Variants in PTPRT observed in about 807,000 individuals in gnomAD.
PTPRT encodes the protein protein tyrosine phosphatase receptor type T.
In PTPRT, 56 loss-of-function variants were observed where a neutral mutation model predicts 176.8. The ratio of observed to expected loss-of-function variants is 0.32; its 90% CI spans 0.26 to 0.40. The LOEUF (loss-of-function observed/expected upper bound fraction) is 0.40, where lower values mean the gene tolerates loss of function less well. Ranked by LOEUF, PTPRT falls within the 10% of genes least tolerant of loss-of-function variation. The pLI is 1.00. For missense variants in PTPRT, 1,540 were observed against 1,908.2 expected (o/e 0.81, Z 3.60); for synonymous variants, 783 against 739.0 (o/e 1.06, Z -0.96).
At chr20:42,894,560 A>G (rs1483841962) in intron 1 of PTPRT, among the ~76,000 whole-genome samples, 1 of 152,172 alleles carries the variant, frequency 6.6e-6, no homozygotes, top group African/African-American at 2.4e-5. Flanking sequence ...CACACAAATA[A>G]CAGGTGGCAA....
At chr20:42,661,042 G>T (rs923250649) in intron 7 of PTPRT, among the ~76,000 whole-genome samples, 1 of 151,934 alleles carries the variant, frequency 6.6e-6, no homozygotes, top group South Asian at 2.1e-4. Context: ...GTAGAGATCG[G>T]GTTTCACCAT....
intron 6 of PTPRT, among the ~76,000 whole-genome samples, chr20:42,704,862 C>T (rs1283309029): frequency 2.0e-5 from 3 of 152,152 alleles, no homozygotes; most frequent in East Asian, 1.9e-4. Context: ...AATACCTTTC[C>T]TATTCGATTG....
the PTPRT span, among the ~76,000 whole-genome samples, chr20:42,037,506 T>G: frequency 6.6e-6 from 1 of 152,110 alleles, no homozygotes; most frequent in African/African-American, 2.4e-5. Context: ...GACATGGACA[T>G]GAAGCATCAC....
chr20:42,313,286 A>G (rs1377568597), intron 12 of PTPRT, among the ~76,000 whole-genome samples: 1 of 152,168 alleles, frequency 6.6e-6, no homozygotes, highest in Non-Finnish European at 1.5e-5. Context: ...GCCCTCAGGG[A>G]TGCTCTGTCT....
chr20:43,066,156 A>G (rs1413625397), intron 1 of PTPRT, among the ~76,000 whole-genome samples: 1 of 152,152 alleles, frequency 6.6e-6, no homozygotes, highest in African/African-American at 2.4e-5. Context: ...CATAAACTAT[A>G]CACGTGGCAG....
intron 1 of PTPRT, among the ~76,000 whole-genome samples, chr20:43,153,845 A>T (rs561511736): frequency 4.0e-4 from 61 of 152,330 alleles, no homozygotes; most frequent in South Asian, 3.7e-3. Flanking sequence ...AAGAGGATGA[A>T]TAAATTATAG....
At chr20:43,147,304 C>T (rs1342155750) in intron 1 of PTPRT, among the ~76,000 whole-genome samples, 1 of 152,144 alleles carries the variant, frequency 6.6e-6, no homozygotes, top group East Asian at 1.9e-4. Flanking sequence ...GTTTCCTCAT[C>T]AGCAAAATGG....
At chr20:42,395,893 C>T (rs1266409357) in intron 9 of PTPRT, among the ~76,000 whole-genome samples, 2 of 152,200 alleles carry the variant, frequency 1.3e-5, no homozygotes, top group East Asian at 3.9e-4. Context: ...CTTAAAAATC[C>T]AAGGGTCCCA....
intron 7 of PTPRT, among the ~76,000 whole-genome samples, chr20:42,584,607 T>C (rs1226882548): frequency 6.6e-6 from 1 of 152,192 alleles, no homozygotes; most frequent in Non-Finnish European, 1.5e-5. Context: ...TCATGCTTTA[T>C]TTTTCTTCAT....
At chr20:42,087,684 G>A (rs551598205) in intron 27 of PTPRT, among the ~76,000 whole-genome samples, 1 of 150,868 alleles carries the variant, frequency 6.6e-6, no homozygotes, top group South Asian at 2.1e-4. Context: ...GACCAGCTTG[G>A]CCAAGATGGT....
intron 1 of PTPRT, among the ~76,000 whole-genome samples, chr20:43,046,146 T>C (rs902299796): frequency 6.6e-6 from 1 of 152,086 alleles, no homozygotes; most frequent in African/African-American, 2.4e-5. Context: ...GAGGGTAACA[T>C]GTTCTGTCTT....
intron 14 of PTPRT, among the ~76,000 whole-genome samples, chr20:42,248,012 T>C (rs900804133): frequency 6.6e-6 from 1 of 152,230 alleles, no homozygotes; most frequent in Non-Finnish European, 1.5e-5. Context: ...GGAATCTGTG[T>C]GCATGCTTTC....
intron 9 of PTPRT, among the ~76,000 whole-genome samples, chr20:42,434,213 C>T (rs2059241138): frequency 6.6e-6 from 1 of 152,152 alleles, no homozygotes; most frequent in South Asian, 2.1e-4. Flanking sequence ...GTTATATTGT[C>T]ACTAACATTT....
intron 2 of PTPRT, among the ~76,000 whole-genome samples, chr20:42,876,391 C>G (rs944589154): frequency 6.6e-6 from 1 of 152,092 alleles, no homozygotes; most frequent in African/African-American, 2.4e-5. Flanking sequence ...TACATCTTTC[C>G]AAGAGGAGCC....
intron 7 of PTPRT, among the ~76,000 whole-genome samples, chr20:42,673,294 T>G (rs977183562): frequency 1.3e-5 from 2 of 152,220 alleles, no homozygotes; most frequent in African/African-American, 4.8e-5. Context: ...AGAGCCATGT[T>G]GGCTTGTCAC....
intron 5 of PTPRT, among the ~76,000 whole-genome samples, chr20:42,768,730 T>A (rs1169792425): frequency 6.6e-6 from 1 of 152,230 alleles, no homozygotes; most frequent in African/African-American, 2.4e-5. Flanking sequence ...TGTCATGTTT[T>A]ATGTCCCATT....
At chr20:42,568,081 G>A (rs893348282) in intron 7 of PTPRT, among the ~76,000 whole-genome samples, 7 of 151,586 alleles carry the variant, frequency 4.6e-5, no homozygotes, top group East Asian at 1.9e-4. Context: ...GCAATTCCCT[G>A]CCTCAGGCTC....
intron 12 of PTPRT, among the ~76,000 whole-genome samples, chr20:42,305,151 G>A (rs905199315): frequency 6.6e-6 from 1 of 152,032 alleles, no homozygotes; most frequent in Non-Finnish European, 1.5e-5. Flanking sequence ...TCAGCAGTTC[G>A]AGACCAGCTT....
chr20:42,278,951 G>A (rs1401508002), intron 13 of PTPRT, among the ~76,000 whole-genome samples: 1 of 152,028 alleles, frequency 6.6e-6, no homozygotes, highest in East Asian at 1.9e-4. Context: ...ATCTTCCAAA[G>A]GTATGGTTCT....
Sources: allele counts gnomAD v4.1 joint callset (sites outside exome capture counted in the v4.1 genomes callset), GRCh38; gene constraint gnomAD v4.1.1; transcripts MANE v1.5; gene names NCBI Gene and HGNC (gene_info 2026-07-23, HGNC 2026-07-21).